Variants in FAM135A observed in about 807,000 individuals in gnomAD.
The protein encoded by FAM135A is protein FAM135A.
FAM135A carries 79 observed loss-of-function variants against 146.8 expected under a neutral mutation model. That is an observed-to-expected ratio of 0.54 (90% CI 0.45 to 0.65). The LOEUF (loss-of-function observed/expected upper bound fraction) is 0.65. Ranked by LOEUF, FAM135A falls within the 30% of genes least tolerant of loss-of-function variation. FAM135A has a pLI of 0.00. For synonymous variants in FAM135A, 562 were observed against 603.6 expected, an observed-to-expected ratio of 0.93 and a Z score of 1.01; for missense variants, 1,623 against 1,758.2, an observed-to-expected ratio of 0.92 and a Z score of 1.38.
intron 4 of FAM135A, among the ~76,000 whole-genome samples, chr6:70,435,121 T>A (rs1772758088): frequency 6.9e-6 from 1 of 145,764 alleles, no homozygotes; most frequent in Non-Finnish European, 1.5e-5. Context: ...TTTTTTTTTT[T>A]TTTAGATGGA....
At chr6:70,480,494 C>T (rs190926449) in intron 8 of FAM135A, among the ~76,000 whole-genome samples, 37 of 152,240 alleles carry the variant, frequency 2.4e-4, no homozygotes, top group African/African-American at 8.7e-4. Flanking sequence ...TCTACATTTA[C>T]ATGGGAGCTC....
At chr6:70,533,645 A>G (rs1203875634) in intron 17 of FAM135A, 112 bp from the exon 18 acceptor site, 1 of 674,894 alleles carries the variant, frequency 1.5e-6, no homozygotes. Flanking sequence ...TCTATAAAAC[A>G]TTGAACTTAA....
chr6:70,519,909 G>GATATAT (rs10638419), intron 12 of FAM135A, among the ~76,000 whole-genome samples: 3 of 151,682 alleles, frequency 2.0e-5, no homozygotes, highest in Admixed American at 6.6e-5. Context: ...GGTATGATAT[G>GATATAT]ATATATATGA....
chr6:70,543,838 T>C (rs1215811264), intron 20 of FAM135A, among the ~76,000 whole-genome samples: 1 of 152,208 alleles, frequency 6.6e-6, no homozygotes, highest in East Asian at 1.9e-4. Flanking sequence ...CTGTAAAGAT[T>C]AGTTCAATTT....
In FAM135A at chr6:70,524,842, G is replaced by C; in HGVS notation, c.1758G>C (p.Lys586Asn). The C allele has an allele frequency of 1.3e-6, 2 of 1,588,128 alleles. No individual in the cohort carries two copies. The highest frequency in any genetic ancestry group is 8.6e-7 in the Non-Finnish European group (1 of 1,166,422). The part of the protein sequence containing the change: ...LPTNTERTEQ[K>N]SPDIENVQPD... ...CTAATACAGAGAGAACTGAACAAAA[G>C]TCTCCAGATATTGAAAATGTTCAAC... The change falls in exon 15 of 22, where the codon AAG becomes AAC. Residue 586 changes from lysine (K) to asparagine (N), a missense_variant. Lys to Asn is a moderately conservative substitution (Grantham distance 94, BLOSUM62 0). This residue lies in a region of FAM135A where 1,061 missense variants were observed against 1,113.8 expected (regional missense o/e 0.95). Transcript: ENST00000418814.
At chr6:70,550,341 C>G (rs72917978) in intron 20 of FAM135A, among the ~76,000 whole-genome samples, 3,787 of 152,278 alleles carry the variant, frequency 0.025, 73 homozygotes, top group Non-Finnish European at 0.04. Context: ...CAGCTATCAC[C>G]TTACAAAATG....
At chr6:70,448,462 C>G (rs956346237) in intron 4 of FAM135A, among the ~76,000 whole-genome samples, 1 of 152,136 alleles carries the variant, frequency 6.6e-6, no homozygotes, top group Non-Finnish European at 1.5e-5. Context: ...TAAGAGTACT[C>G]GAGTGTCCTC....
intron 5 of FAM135A, among the ~76,000 whole-genome samples, chr6:70,461,010 G>A (rs1212809127): frequency 6.6e-6 from 1 of 151,936 alleles, no homozygotes; most frequent in Non-Finnish European, 1.5e-5. Flanking sequence ...TTTTAGTAAA[G>A]ACGGGGTTTC....
intron 12 of FAM135A, among the ~76,000 whole-genome samples, chr6:70,516,738 T>C (rs990176782): frequency 1.3e-5 from 2 of 151,988 alleles, no homozygotes; most frequent in African/African-American, 2.4e-5. Context: ...GGTTTCACCG[T>C]GTTAGCCAGG....
intron 15 of FAM135A, among the ~76,000 whole-genome samples, chr6:70,527,833 C>T (rs1325523847): frequency 1.3e-5 from 2 of 152,112 alleles, no homozygotes; most frequent in African/African-American, 4.8e-5. Flanking sequence ...CTGCTAAATA[C>T]TGTAACTCCA....
intron 15 of FAM135A, 72 bp downstream of exon 15, chr6:70,526,770 C>G: frequency 2.2e-6 from 1 of 452,986 alleles, no homozygotes. Context: ...CACACATACA[C>G]ACACACACAC....
At position 70,482,146 on chromosome 6, in the gene FAM135A, T is replaced by C; in HGVS notation, c.815T>C (p.Leu272Pro). The C allele has an allele frequency of 6.2e-7, 1 of 1,613,272 alleles. No individual in the cohort carries two copies. The highest frequency in any genetic ancestry group is 1.1e-5 in the South Asian group (1 of 91,036). Residue 272 changes from leucine (L) to proline (P), a missense_variant, in exon 10 of 22, where the codon CTA becomes CCA. By Grantham distance (98) the Leu-to-Pro change is moderately conservative. Coordinates refer to ENST00000418814, the MANE Select transcript of FAM135A (RefSeq NM_001162529.3). ...GAAGAGATTCCTTCTTGTCAGAAACTAGAACTGGGTATGTTAAAAGTAGCG... is the reference window on the plus strand; with the variant it reads ...GAAGAGATTCCTTCTTGTCAGAAACCAGAACTGGGTATGTTAAAAGTAGCG... ...VTEEIPSCQK[L>P]ELEEMDVEAR...
intron 16 of FAM135A, among the ~76,000 whole-genome samples, 187 bp from the exon 17 acceptor site, chr6:70,532,973 T>C (rs1168853260): frequency 1.3e-5 from 2 of 152,010 alleles, no homozygotes; most frequent in Admixed American, 1.3e-4. Flanking sequence ...AACTGTTGAA[T>C]TGACATTGCC....
chr6:70,497,839 G>A (rs148445301), intron 11 of FAM135A, among the ~76,000 whole-genome samples: 3,111 of 152,194 alleles, frequency 0.02, 108 homozygotes, highest in African/African-American at 0.07. Flanking sequence ...TGATCATGGT[G>A]GATAATCTTT....
At chr6:70,459,274 T>C (rs1472300537) in intron 5 of FAM135A, among the ~76,000 whole-genome samples, 1 of 152,190 alleles carries the variant, frequency 6.6e-6, no homozygotes. Flanking sequence ...GAGAAAACTT[T>C]TAGGAAAAAT....
chr6:70,491,035 G>A lies in FAM135A; in HGVS notation c.825G>A (p.Glu275=). 3 of 1,597,264 alleles carry A rather than the reference G, an allele frequency of 1.9e-6. No individual in the cohort carries two copies. Among genetic ancestry groups the A allele is most frequent in the Non-Finnish European group, 8.5e-7 (1 of 1,173,120 alleles). The change falls in exon 11 of 22, where the codon GAG becomes GAA. Residue 275 remains glutamate, a splice_region_variant and synonymous_variant. Transcript: ENST00000418814. The stretch of plus-strand genomic sequence containing the variant: ...TCCTCTACTCTTTACTCCTTCCAGA[G>A]GAAATGGATGTAGAAGCTCGACTTA... The part of the protein sequence containing the change: ...EIPSCQKLEL[E]EMDVEARLTE...
intron 12 of FAM135A, among the ~76,000 whole-genome samples, chr6:70,506,053 TA>T (rs1033399580): frequency 5.3e-5 from 8 of 152,204 alleles, no homozygotes; most frequent in African/African-American, 1.9e-4. Context: ...GAATGGAATA[TA>T]TTTTTTTCCG....
chr6:70,465,750 C>T (rs73476899), intron 5 of FAM135A, among the ~76,000 whole-genome samples: 6,525 of 152,206 alleles, frequency 0.043, 299 homozygotes, highest in African/African-American at 0.1. Context: ...TACTGTTTCA[C>T]GTTTTCACCA....
At chr6:70,420,557 T>A (rs1259485672) in intron 2 of FAM135A, among the ~76,000 whole-genome samples, 1 of 152,200 alleles carries the variant, frequency 6.6e-6, no homozygotes, top group Non-Finnish European at 1.5e-5. Flanking sequence ...GAACTTTGTA[T>A]GGTTTTATGT....
Sources: allele counts gnomAD v4.1 joint callset (sites outside exome capture counted in the v4.1 genomes callset), GRCh38; gene constraint gnomAD v4.1.1; regional missense constraint gnomAD v4.1.1; transcripts MANE v1.5; gene names NCBI Gene and HGNC (gene_info 2026-07-23, HGNC 2026-07-21).